NBPF12: variants seen among roughly 807,000 people sequenced by gnomAD.
The protein encoded by NBPF12 is NBPF member 12.
Under a neutral mutation model 146.4 loss-of-function variants are expected in NBPF12, and 115 were observed. That is an observed-to-expected ratio of 0.79 (90% CI 0.68 to 0.92). NBPF12 has a LOEUF of 0.92. Among genes scored for constraint, NBPF12 ranks in the 40% least tolerant of loss-of-function variants. The pLI is 0.00. For missense variants in NBPF12, 1,205 were observed against 1,326.8 expected (o/e 0.91, Z 1.43); for synonymous variants, 385 against 508.9 (o/e 0.76, Z 3.28).
intron 14 of NBPF12, among the ~76,000 whole-genome samples, chr1:146,974,182 T>C (rs1206544010): frequency 1.4e-5 from 2 of 147,608 alleles, no homozygotes; most frequent in African/African-American, 5.3e-5. Context: ...CATTTGGGCA[T>C]AGGATTTCCT....
At chr1:146,966,426 T>G (rs1656214911) in intron 8 of NBPF12, 38 bp from the exon 12 acceptor site, 19 of 1,338,618 alleles carry the variant, frequency 1.4e-5, no homozygotes, top group Non-Finnish European at 2.0e-5. Context: ...ATTTCACCAG[T>G]TTTTAACCCA....
At chr1:146,943,594 G>A in intron 2 of NBPF12, 32 bp downstream of exon 2, 3 of 1,099,916 alleles carry the variant, frequency 2.7e-6, no homozygotes, top group Non-Finnish European at 3.6e-6. Context: ...CAGCTCGATG[G>A]GGTCAGAGAG....
chr1:146,984,577 CTG>C (rs1195588193), intron 21 of NBPF12, among the ~76,000 whole-genome samples: 3,647 of 132,692 alleles, frequency 0.027, 64 homozygotes, highest in East Asian at 0.036. Context: ...TGAGCTCACA[CTG>C]TGTGTGTGTG....
intron 1 of NBPF12, among the ~76,000 whole-genome samples, chr1:146,940,907 A>G (rs1407685893): frequency 1.3e-5 from 2 of 151,882 alleles, no homozygotes; most frequent in East Asian, 3.9e-4. Context: ...CTCTTTCATG[A>G]AGTGCCTGTT....
At chr1:146,941,716 T>C (rs1369850598) in intron 1 of NBPF12, among the ~76,000 whole-genome samples, 1 of 140,876 alleles carries the variant, frequency 7.1e-6, no homozygotes, top group Non-Finnish European at 1.5e-5. Context: ...ATTACACTAC[T>C]GTACTCCAGC....
rs1553885940 is a variant in NBPF12 at position 146,968,615 on chromosome 1, G to A, written c.1091+65G>A. On this transcript the variant is annotated intron_variant, in intron 10 of 33. Transcript: ENST00000617844. ...GTAAATCTCTGAAGTACAACAGCTC[G>A]GTGGGGAGACTTAAGAGCTAAGCTG... 251 of 1,475,212 alleles carry A rather than the reference G, an allele frequency of 1.7e-4. 3 individuals are homozygous for A. Among genetic ancestry groups the A allele is most frequent in the South Asian group, 5.2e-4 (46 of 88,256 alleles). The allele number at this position is 1,475,212 out of a possible 1,614,324, so 91.4% of individuals were successfully genotyped here.
At chr1:146,964,733 CAG>C (rs1293155210) in intron 7 of NBPF12, among the ~76,000 whole-genome samples, 158 bp from the exon 11 acceptor site, 3 of 152,026 alleles carry the variant, frequency 2.0e-5, no homozygotes, top group Admixed American at 1.3e-4. Flanking sequence ...TGCTCTGTTG[CAG>C]AGAGAAGAGG....
chr1:146,972,221 C>T (rs1656690481), intron 13 of NBPF12, among the ~76,000 whole-genome samples: 2 of 150,950 alleles, frequency 1.3e-5, no homozygotes, highest in African/African-American at 4.9e-5. Context: ...TTGGCGAAAC[C>T]CCATCTCTAC....
chr1:146,982,684 G>C (rs1163500949), intron 19 of NBPF12, among the ~76,000 whole-genome samples: 1 of 150,104 alleles, frequency 6.7e-6, no homozygotes, highest in East Asian at 2.0e-4. Context: ...GAGAGTCTGG[G>C]TGCCCTGAGT....
chr1:146,967,910 T>G (rs1656309468), intron 9 of NBPF12, among the ~76,000 whole-genome samples: 4 of 145,740 alleles, frequency 2.7e-5, no homozygotes, highest in African/African-American at 1.0e-4. Flanking sequence ...CTTCATGGCC[T>G]TATGGTGTTA....
chr1:146,977,909 G>C (rs1479174476), intron 18 of NBPF12, among the ~76,000 whole-genome samples: 2 of 152,016 alleles, frequency 1.3e-5, no homozygotes, highest in Non-Finnish European at 2.9e-5. Flanking sequence ...CTCAGTGCAG[G>C]AGGTGCACAG....
intron 10 of NBPF12, 80 bp downstream of exon 13, chr1:146,968,630 G>C: frequency 7.5e-7 from 1 of 1,326,282 alleles, no homozygotes; most frequent in Non-Finnish European, 1.1e-6. Flanking sequence ...GGAGACTTAA[G>C]AGCTAAGCTG....
chr1:146,984,850 G>A, exon 22 of NBPF12: 1 of 1,558,368 alleles, frequency 6.4e-7, no homozygotes, highest in Non-Finnish European at 8.8e-7. Flanking sequence ...AGAGCCTGAA[G>A]TCTTGCAGGA....
chr1:146,971,817 C>T (rs1287079587), intron 13 of NBPF12, among the ~76,000 whole-genome samples: 6 of 150,480 alleles, frequency 4.0e-5, no homozygotes, highest in African/African-American at 1.5e-4. Flanking sequence ...CGGTGGCTCA[C>T]ACATGTAATC....
rs1233927125 is a variant in NBPF12, at chr1:146,970,738, G to A, written c.1379+19G>A. 7.5e-7 allele frequency: 1 copy of A among 1,331,832 alleles called. No individual in the cohort carries two copies. Among genetic ancestry groups the A allele is most frequent in the Non-Finnish European group, 1.1e-6 (1 of 925,410 alleles). 82.5% of individuals were successfully genotyped at this position (1,331,832 alleles called of 1,614,324 possible). A position where few individuals can be genotyped will look rare whatever the true frequency, so the allele number is the denominator to read the frequency against. On this transcript the variant is annotated intron_variant, in intron 12 of 33. Coordinates refer to ENST00000617844, the Ensembl canonical transcript of NBPF12. ...CCCCCAGGTGACACTGAATACTCAG[G>A]AGCAAGTAATGGGTGTTAACATATG... is the stretch of plus-strand genomic sequence containing the variant.
upstream of NBPF12, among the ~76,000 whole-genome samples, chr1:146,947,998 C>T (rs1482418727): frequency 2.0e-5 from 3 of 151,772 alleles, no homozygotes; most frequent in African/African-American, 4.9e-5. Flanking sequence ...AGTAGTGAAC[C>T]GTCTTTATTT....
chr1:146,995,462 T>A (rs1337503693), exon 34 of NBPF12: 1 of 121,762 alleles, frequency 8.2e-6, no homozygotes, highest in African/African-American at 2.9e-5. Context: ...TATTTTGGGT[T>A]GAAAAAAAGT....
At chr1:146,941,047 A>G (rs1654779046) in intron 1 of NBPF12, among the ~76,000 whole-genome samples, 1 of 151,266 alleles carries the variant, frequency 6.6e-6, no homozygotes, top group Admixed American at 6.6e-5. Flanking sequence ...TTGCGTTTTC[A>G]CTCTTTTAAT....
chr1:146,946,512 C>CTTTTTTTTTTTTTTTTTTT (rs3071268), upstream of NBPF12, among the ~76,000 whole-genome samples: 1 of 40,998 alleles, frequency 2.4e-5, no homozygotes, highest in Non-Finnish European at 4.2e-5. Context: ...GATCTTTCAC[C>CTTTTTTTTTTTTTTTTTTT]TTTTTTTTTT....
Sources: gnomAD v4.1 joint callset for allele counts (sites outside exome capture counted in the v4.1 genomes callset) on GRCh38, gnomAD v4.1.1 for gene constraint, MANE v1.5 for transcripts, NCBI Gene and HGNC (gene_info 2026-07-23, HGNC 2026-07-21) for gene names.